The following GNAL variants were observed in gnomAD, a reference collection of about 807,000 sequenced individuals.
GNAL encodes the protein G protein subunit alpha L.
GNAL carries 18 observed loss-of-function variants against 55.1 expected under a neutral mutation model. The observed-to-expected ratio is 0.33, with a 90% CI of 0.23 to 0.48. The LOEUF (loss-of-function observed/expected upper bound fraction) is 0.48. Ranked by LOEUF, GNAL falls within the 20% of genes least tolerant of loss-of-function variation. GNAL has a pLI of 0.99. For missense variants in GNAL, 412 were observed against 614.1 expected (o/e 0.67, Z 3.48); for synonymous variants, 253 against 237.0 (o/e 1.07, Z -0.62).
intron 1 of GNAL, among the ~76,000 whole-genome samples, chr18:11,700,369 C>G (rs537054272): frequency 1.3e-5 from 2 of 152,340 alleles, no homozygotes; most frequent in African/African-American, 4.8e-5. Flanking sequence ...AGTGTTAGCA[C>G]CTGACGGGAG....
At chr18:11,726,107 T>C (rs958727709) in intron 1 of GNAL, among the ~76,000 whole-genome samples, 5 of 152,256 alleles carry the variant, frequency 3.3e-5, no homozygotes, top group African/African-American at 1.2e-4. Flanking sequence ...TCCATTGATC[T>C]GCATGTCTGT....
At chr18:11,759,203 A>G (rs1312294415) in intron 4 of GNAL, among the ~76,000 whole-genome samples, 1 of 152,184 alleles carries the variant, frequency 6.6e-6, no homozygotes, top group East Asian at 1.9e-4. Context: ...AAAAGAAAAA[A>G]GAAGAAAAAT....
intron 5 of GNAL, among the ~76,000 whole-genome samples, chr18:11,839,580 T>TAAAAAAAA (rs2035569728): frequency 6.6e-6 from 1 of 151,874 alleles, no homozygotes; most frequent in Non-Finnish European, 1.5e-5. Flanking sequence ...TTTTTTTTCT[T>TAAAAAAAA]TAAAGCTCAG....
intron 1 of GNAL, among the ~76,000 whole-genome samples, chr18:11,694,065 C>A (rs1427366015): frequency 6.6e-6 from 1 of 151,960 alleles, no homozygotes; most frequent in East Asian, 1.9e-4. Flanking sequence ...GTTACCCCGG[C>A]TGGTCTTGGA....
At chr18:11,777,615 A>G (rs2046624626) in intron 4 of GNAL, among the ~76,000 whole-genome samples, 1 of 152,206 alleles carries the variant, frequency 6.6e-6, no homozygotes, top group Non-Finnish European at 1.5e-5. Context: ...TTTTGCCTGT[A>G]ATGTAATTAG....
intron 5 of GNAL, chr18:11,854,124 C>T (rs895923119): frequency 6.0e-6 from 1 of 167,036 alleles, no homozygotes; most frequent in Non-Finnish European, 1.5e-5. Flanking sequence ...TGCACCTGGC[C>T]TTAACCCCTC....
chr18:11,790,729 T>A (rs1490063408), intron 4 of GNAL, among the ~76,000 whole-genome samples: 1 of 143,150 alleles, frequency 7.0e-6, no homozygotes, highest in East Asian at 2.2e-4. Context: ...CGATCTCGTC[T>A]CACTGCAAGC....
rs142997952 is a variant in GNAL at position 11,827,700 on chromosome 18, G to A, written c.722+2685G>A. Among the ~76,000 whole-genome samples, 1,017 of 152,280 alleles carry A rather than the reference G, an allele frequency of 6.7e-3. 6 individuals carry two copies. The highest frequency in any genetic ancestry group is 0.01 in the Admixed American group (154 of 15,296). On this transcript the variant is annotated intron_variant, in intron 5 of 11. Transcript: ENST00000334049. ...AGATTTTCTTTAAATAGCTGGGTGTGGTGGCTCACACCTGTAATCCCAGCA... is the reference window on the plus strand; with the variant it reads ...AGATTTTCTTTAAATAGCTGGGTGTAGTGGCTCACACCTGTAATCCCAGCA...
chr18:11,739,993 C>T (rs2032541671), intron 1 of GNAL, among the ~76,000 whole-genome samples: 1 of 152,234 alleles, frequency 6.6e-6, no homozygotes, highest in Middle Eastern at 3.4e-3. Flanking sequence ...CCACAGTGGT[C>T]GAAAAGGATG....
chr18:11,814,358 C>T lies in GNAL; in HGVS notation c.625-10560C>T, dbSNP rs374459181. ...TGACCAACGTGGTGAAACCCCGTCT[C>T]TATCAAAAATACAAAAAATATTAGC... On this transcript the variant is annotated intron_variant, in intron 4 of 11. Transcript: ENST00000334049. Among the ~76,000 whole-genome samples, 5 of 152,080 alleles carry T rather than the reference C, an allele frequency of 3.3e-5. No individual in the cohort carries two copies. The East Asian group carries it at 9.7e-4, about 29-fold the overall frequency.
At chr18:11,844,609 G>A (rs879645084) in intron 5 of GNAL, among the ~76,000 whole-genome samples, 17 of 152,048 alleles carry the variant, frequency 1.1e-4, no homozygotes, top group Non-Finnish European at 1.6e-4. Flanking sequence ...TTAAGGGTAC[G>A]AGTGAGTCAG....
rs16976750 is a variant in GNAL, at chr18:11,851,481, C to T, written c.723-10914C>T. ...CTCTGCCTTCGGCGCGCTTCTCAGC[C>T]GGGCCGCCGACCCAAAGGAGCCGTC... On this transcript the variant is annotated intron_variant, in intron 5 of 11. Transcript: ENST00000334049. 674 of 1,504,530 alleles carry T rather than the reference C, an allele frequency of 4.5e-4. 2 individuals are homozygous for T. Among genetic ancestry groups the T allele is most frequent in the Non-Finnish European group, 3.6e-4 (408 of 1,132,008 alleles). The allele number at this position is 1,504,530 out of a possible 1,614,324, so 93.2% of individuals were successfully genotyped here.
At chr18:11,754,417 CAA>C (rs777493527) in intron 4 of GNAL, among the ~76,000 whole-genome samples, 8 of 119,436 alleles carry the variant, frequency 6.7e-5, no homozygotes, top group Admixed American at 1.7e-4. Flanking sequence ...ACTCCCATCT[CAA>C]AAAAAAAAAA....
chr18:11,821,753 A>G (rs2035097010), intron 4 of GNAL, among the ~76,000 whole-genome samples: 1 of 152,160 alleles, frequency 6.6e-6, no homozygotes, highest in African/African-American at 2.4e-5. Flanking sequence ...GGGCGGTGAT[A>G]CTGATATTTC....
chr18:11,852,738 T>C (rs2035910156), intron 5 of GNAL: 1 of 166,740 alleles, frequency 6.0e-6, no homozygotes. Flanking sequence ...TAATACTCTC[T>C]TACTGCTTAC....
At chr18:11,750,272 G>C (rs2032786066) in intron 1 of GNAL, among the ~76,000 whole-genome samples, 1 of 152,162 alleles carries the variant, frequency 6.6e-6, no homozygotes, top group Non-Finnish European at 1.5e-5. Flanking sequence ...AGGCGTGAGG[G>C]TGGCACGGGG....
intron 5 of GNAL, among the ~76,000 whole-genome samples, chr18:11,837,400 TAAAG>T (rs1018542355): frequency 6.6e-6 from 1 of 152,180 alleles, no homozygotes; most frequent in Admixed American, 6.5e-5. Context: ...TCTAGAATCA[TAAAG>T]AACTCTTACA....
rs182137422 is a variant in GNAL, at chr18:11,706,797, A to G, written c.376+16858A>G. On this transcript the variant is annotated intron_variant, in intron 1 of 11. Coordinates refer to ENST00000334049, the MANE Select transcript of GNAL (RefSeq NM_182978.4). ...CCTGAGATTGCAGCCATTTAGTCAC[A>G]TCTTCGGGCTCCACTTTTAATTCTA... Among the ~76,000 whole-genome samples the G allele has an allele frequency of 5.3e-5, 8 of 152,302 alleles. No homozygotes were observed. In the East Asian group the frequency reaches 1.4e-3, roughly 26 times the overall value.
chr18:11,708,782 T>G (rs1412751257), intron 1 of GNAL, among the ~76,000 whole-genome samples: 2 of 152,226 alleles, frequency 1.3e-5, no homozygotes, highest in Non-Finnish European at 2.9e-5. Context: ...TTTCCTTTGC[T>G]GTGCAGAAGC....
Sources: allele counts gnomAD v4.1 joint callset (sites outside exome capture counted in the v4.1 genomes callset), GRCh38; gene constraint gnomAD v4.1.1; transcripts MANE v1.5; gene names NCBI Gene and HGNC (gene_info 2026-07-23, HGNC 2026-07-21).